The following PGAP1 variants were observed in gnomAD, a reference collection of about 807,000 sequenced individuals.
PGAP1 encodes the protein GPI inositol-deacylase.
Under a neutral mutation model 127.0 loss-of-function variants are expected in PGAP1, and 76 were observed. The ratio of observed to expected loss-of-function variants is 0.60; its 90% CI spans 0.50 to 0.72. The LOEUF is 0.72. Ranked by LOEUF, PGAP1 falls within the 30% of genes least tolerant of loss-of-function variation. PGAP1 has a pLI of 0.00. For synonymous variants in PGAP1, 362 were observed against 366.5 expected (o/e 0.99, Z 0.14); for missense variants, 982 against 1,071.3 (o/e 0.92, Z 1.16).
intron 5 of PGAP1, 43 bp downstream of exon 5, chr2:196,902,542 T>C: frequency 6.6e-7 from 1 of 1,512,478 alleles, no homozygotes; most frequent in Non-Finnish European, 9.1e-7. Flanking sequence ...CTCCACTGGG[T>C]CTATTACATT....
chr2:196,866,990 C>T (rs1327790447), intron 19 of PGAP1, among the ~76,000 whole-genome samples: 1 of 152,104 alleles, frequency 6.6e-6, no homozygotes, highest in African/African-American at 2.4e-5. Context: ...AAACAATATG[C>T]TGGACAGGAT....
chr2:196,870,999 GAAAA>G lies in PGAP1; in HGVS notation c.1729-24_1729-21del. 1.3e-6 allele frequency: 2 copies of G among 1,559,366 alleles called. No homozygotes were observed. The highest frequency in any genetic ancestry group is 2.3e-5 in the South Asian group (2 of 88,782). Reference sequence around the variant, plus strand: ...TGTCACCTAGTTTAAAACAATTATTGAAAAAAAAGGTTATTTTCCTCTAAACTCC... The same window carrying G: ...TGTCACCTAGTTTAAAACAATTATTGAAAAGGTTATTTTCCTCTAAACTCC... On this transcript the variant is annotated intron_variant, in intron 18 of 26. Transcript: ENST00000354764.
intron 10 of PGAP1, among the ~76,000 whole-genome samples, chr2:196,888,469 T>C (rs138850485): frequency 2.6e-5 from 4 of 152,212 alleles, no homozygotes; most frequent in African/African-American, 9.6e-5. Context: ...TTAATCTGAA[T>C]CTAATCAAGA....
At chr2:196,926,242 T>C (rs1703357049) in intron 1 of PGAP1, among the ~76,000 whole-genome samples, 1 of 150,776 alleles carries the variant, frequency 6.6e-6, no homozygotes, top group East Asian at 2.0e-4. Flanking sequence ...GAGGATGCTC[T>C]CGGGAAATCG....
chr2:196,919,617 T>C (rs1703121075), intron 2 of PGAP1, among the ~76,000 whole-genome samples: 1 of 152,166 alleles, frequency 6.6e-6, no homozygotes, highest in African/African-American at 2.4e-5. Flanking sequence ...TCTCTCTTGT[T>C]CTGCATAACA....
chr2:196,874,772 G>A (rs1041527241), intron 14 of PGAP1, among the ~76,000 whole-genome samples: 1 of 152,158 alleles, frequency 6.6e-6, no homozygotes, highest in Non-Finnish European at 1.5e-5. Flanking sequence ...CCGGCATTTT[G>A]GGAGGCCAAG....
At chr2:196,891,170 T>C (rs917548778) in intron 9 of PGAP1, among the ~76,000 whole-genome samples, 1 of 152,184 alleles carries the variant, frequency 6.6e-6, no homozygotes, top group African/African-American at 2.4e-5. Flanking sequence ...GTGGGTTTTT[T>C]GCTCTTCTAG....
rs563479482 is a variant in PGAP1 at position 196,878,993 on chromosome 2, T to C, written c.1350+1083A>G. Among the ~76,000 whole-genome samples, 25 of 152,312 alleles carry C rather than the reference T, an allele frequency of 1.6e-4. No homozygotes were observed. The South Asian group carries it at 5.0e-3, about 30-fold the overall frequency. On this transcript the variant is annotated intron_variant, in intron 13 of 26. Transcript: ENST00000354764. ...ACCACATGTGCTAGTGATTCCTGTA[T>C]TGACAGCATGGCTCTACAATGTTCA...
chr2:196,893,273 T>C, intron 7 of PGAP1, 28 bp from the exon 8 acceptor site: 2 of 1,198,922 alleles, frequency 1.7e-6, no homozygotes, highest in Non-Finnish European at 2.5e-6. Flanking sequence ...ACATTCTGTA[T>C]CATTTTGTAT....
chr2:196,894,871 AG>A (rs1158870521), intron 7 of PGAP1, among the ~76,000 whole-genome samples: 13 of 152,202 alleles, frequency 8.5e-5, no homozygotes, highest in Non-Finnish European at 1.5e-5. Context: ...CTCACTCTCA[AG>A]GTAATCCATC....
chr2:196,898,345 C>A lies in PGAP1; in HGVS notation c.832G>T (p.Val278Phe). ...ACAATGGAGAGGTGGTCTGTTGAGA[C>A]CCAGGTCTTAGGCACTGCTGAACTC... ...VVSSAVPKTWVSTDHLSIVWC... is the reference protein window; with the variant it reads ...VVSSAVPKTWFSTDHLSIVWC... The change falls in exon 6 of 27, where the codon GTC becomes TTC. Residue 278 changes from valine (V) to phenylalanine (F), a missense_variant. Physicochemically the swap from Val to Phe is conservative, Grantham distance 50 (BLOSUM62 -1). Transcript: ENST00000354764. The A allele has an allele frequency of 5.0e-6, 8 of 1,611,132 alleles. No individual in the cohort carries two copies. Among genetic ancestry groups the A allele is most frequent in the Non-Finnish European group, 6.8e-6 (8 of 1,178,082 alleles).
rs1303685593 is a variant in PGAP1 at position 196,852,549 on chromosome 2, G to T, written c.1862-4512C>A. Among the ~76,000 whole-genome samples, 227 of 151,834 alleles carry T rather than the reference G, an allele frequency of 1.5e-3. 1 individual carries two copies. Among genetic ancestry groups the T allele is most frequent in the African/African-American group, 5.3e-3 (218 of 41,492 alleles). ...AATATATCAAAAATAATGTATTATT[G>T]ATGAGAAAAATTATAAGAAAGGCAT... On this transcript the variant is annotated intron_variant, in intron 20 of 26. Coordinates refer to ENST00000354764, the MANE Select transcript of PGAP1 (RefSeq NM_024989.4).
chr2:196,852,801 C>T (rs186457951), intron 20 of PGAP1, among the ~76,000 whole-genome samples: 16 of 151,958 alleles, frequency 1.1e-4, no homozygotes, highest in African/African-American at 3.4e-4. Context: ...CCATTTTTGT[C>T]CTAAAGTAAA....
chr2:196,898,966 C>G (rs1424056595), intron 5 of PGAP1, among the ~76,000 whole-genome samples: 1 of 150,976 alleles, frequency 6.6e-6, no homozygotes, highest in Non-Finnish European at 1.5e-5. Context: ...ATGTATACAA[C>G]TAGTAAAATA....
At chr2:196,874,288 T>C (rs546989656) in intron 14 of PGAP1, among the ~76,000 whole-genome samples, 1 of 152,158 alleles carries the variant, frequency 6.6e-6, no homozygotes, top group South Asian at 2.1e-4. Flanking sequence ...TAGAATTGGA[T>C]TATAGCCCAA....
At chr2:196,897,030 T>A in intron 7 of PGAP1, 101 bp downstream of exon 7, 2 of 660,938 alleles carry the variant, frequency 3.0e-6, no homozygotes, top group Non-Finnish European at 5.0e-6. Context: ...TGCTTCTATT[T>A]TCATCAAAGT....
At chr2:196,882,130 G>A (rs979032403) in intron 12 of PGAP1, among the ~76,000 whole-genome samples, 5 of 152,054 alleles carry the variant, frequency 3.3e-5, no homozygotes, top group African/African-American at 9.7e-5. Flanking sequence ...GCTTGTTTTC[G>A]TCAAGTTTGT....
chr2:196,871,240 C>T (rs953293949), intron 18 of PGAP1, among the ~76,000 whole-genome samples: 7 of 152,040 alleles, frequency 4.6e-5, no homozygotes, highest in African/African-American at 1.4e-4. Context: ...CCTTTACTAC[C>T]TAAAATATTT....
chr2:196,835,859 C>T lies in PGAP1; in HGVS notation c.*5375G>A, dbSNP rs183320976. 1 of 151,998 alleles carries T rather than the reference C, an allele frequency of 6.6e-6. No homozygotes were observed. Among genetic ancestry groups the T allele is most frequent in the Non-Finnish European group, 1.5e-5 (1 of 67,808 alleles). 9.4% of individuals were successfully genotyped at this position (151,998 alleles called of 1,614,324 possible). ...GTAAAAAGTCCAATATGAAACAGAA[C>T]GAGTGCAACACGAAATACAAAATAT... On this transcript the variant is annotated 3_prime_UTR_variant, in exon 27 of 27. Coordinates refer to ENST00000354764, the MANE Select transcript of PGAP1 (RefSeq NM_024989.4).
Sources: gnomAD v4.1 joint callset for allele counts (sites outside exome capture counted in the v4.1 genomes callset) on GRCh38, gnomAD v4.1.1 for gene constraint, MANE v1.5 for transcripts, NCBI Gene and HGNC (gene_info 2026-07-23, HGNC 2026-07-21) for gene names.